Variants in AHR observed in about 807,000 individuals in gnomAD.
The protein encoded by AHR is AH-receptor.
Under a neutral mutation model 86.8 loss-of-function variants are expected in AHR, and 40 were observed. That is an observed-to-expected ratio of 0.46 (90% CI 0.36 to 0.60). The LOEUF (loss-of-function observed/expected upper bound fraction) is 0.60, where lower values mean the gene tolerates loss of function less well. AHR is among the 20% of genes least tolerant of loss of function. AHR has a pLI of 0.00. For synonymous variants in AHR, 398 were observed against 354.9 expected (o/e 1.12, Z -1.37); for missense variants, 1,001 against 1,011.6 (o/e 0.99, Z 0.14).
chr7:17,325,854 T>C (rs1485814494), intron 3 of AHR, among the ~76,000 whole-genome samples: 1 of 152,096 alleles, frequency 6.6e-6, no homozygotes, highest in Non-Finnish European at 1.5e-5. Flanking sequence ...GTACTAGGCT[T>C]AATACCTGGG....
chr7:17,334,193 C>G, intron 7 of AHR, 79 bp downstream of exon 7: 1 of 1,250,622 alleles, frequency 8.0e-7, no homozygotes, highest in Non-Finnish European at 1.2e-6. Flanking sequence ...GTAAAACATA[C>G]AGTGTATGTA....
rs566155540 is a variant in AHR at position 17,328,656 on chromosome 7, A to G, written c.450+808A>G. Reference sequence around the variant, plus strand: ...GTGGGGCCCATGAATTTGCATTTCTATTAAGCTCACAAGGCTGCTGGTCTT... The same window carrying G: ...GTGGGGCCCATGAATTTGCATTTCTGTTAAGCTCACAAGGCTGCTGGTCTT... On this transcript the variant is annotated intron_variant, in intron 4 of 10. Coordinates refer to ENST00000242057, the MANE Select transcript of AHR (RefSeq NM_001621.5). Among the ~76,000 whole-genome samples the G allele has an allele frequency of 3.3e-5, 5 of 152,018 alleles. No individual in the cohort carries two copies. In the East Asian group the frequency reaches 7.7e-4, roughly 24 times the overall value.
intron 1 of AHR, among the ~76,000 whole-genome samples, chr7:17,299,935 A>G (rs1222946716): frequency 1.3e-5 from 2 of 152,224 alleles, no homozygotes; most frequent in Non-Finnish European, 2.9e-5. Flanking sequence ...AAGTGGTAGC[A>G]GGTGGGAGTG....
intron 9 of AHR, among the ~76,000 whole-genome samples, chr7:17,338,729 C>G (rs774284193): frequency 2.6e-5 from 4 of 151,808 alleles, no homozygotes; most frequent in Non-Finnish European, 5.9e-5. Flanking sequence ...TCTTTTTTTG[C>G]AGGGTGTCAG....
At chr7:17,340,897 G>GAT (rs1782416674) in intron 10 of AHR, among the ~76,000 whole-genome samples, 1 of 152,000 alleles carries the variant, frequency 6.6e-6, no homozygotes, top group African/African-American at 2.4e-5. Flanking sequence ...AATCAAGCTT[G>GAT]ATAGTGCATT....
Position 17,310,052 on chromosome 7 carries a change from T to C in AHR, c.182T>C (p.Ile61Thr), listed in dbSNP as rs1398181103. Residue 61 changes from isoleucine (I) to threonine (T), a missense_variant, in exon 2 of 11, where the codon ATT (isoleucine) becomes ACT (threonine). By Grantham distance (89) the Ile-to-Thr change is moderately conservative (BLOSUM62 -1). This residue lies in a region of AHR where 394 missense variants were observed against 468.5 expected (regional missense o/e 0.84). Coordinates refer to ENST00000242057, the MANE Select transcript of AHR (RefSeq NM_001621.5). ...CTGCTGCCTTTCCCACAAGATGTTA[T>C]TAATAAGTTGGACAAACTTTCAGTT... is the stretch of plus-strand genomic sequence containing the variant. ...ASLLPFPQDV[I>T]NKLDKLSVLR... 1 of 1,614,076 alleles carries C rather than the reference T, an allele frequency of 6.2e-7. No homozygotes were observed. The highest frequency in any genetic ancestry group is 8.5e-7 in the Non-Finnish European group (1 of 1,179,950).
chr7:17,328,788 G>A (rs751665098), intron 4 of AHR, among the ~76,000 whole-genome samples: 2 of 151,884 alleles, frequency 1.3e-5, no homozygotes, highest in East Asian at 1.9e-4. Flanking sequence ...TGTTTCAGAT[G>A]CAACTTTTGG....
chr7:17,314,633 A>G (rs149136231), intron 2 of AHR, among the ~76,000 whole-genome samples: 8 of 152,198 alleles, frequency 5.3e-5, no homozygotes, highest in African/African-American at 1.9e-4. Flanking sequence ...AGATCAGAAC[A>G]TTATTCTTGA....
At chr7:17,300,821 A>G (rs1180842409) in intron 1 of AHR, among the ~76,000 whole-genome samples, 1 of 152,162 alleles carries the variant, frequency 6.6e-6, no homozygotes, top group Non-Finnish European at 1.5e-5. Context: ...AGCATCATAT[A>G]TAATAGGGGT....
chr7:17,307,915 C>G (rs1782022179), intron 1 of AHR, among the ~76,000 whole-genome samples: 3 of 152,136 alleles, frequency 2.0e-5, no homozygotes, highest in Admixed American at 2.0e-4. Context: ...ACCCACATAG[C>G]TCACTTCATT....
chr7:17,320,929 G>A (rs1287933333), intron 2 of AHR, among the ~76,000 whole-genome samples: 1 of 152,142 alleles, frequency 6.6e-6, no homozygotes, highest in African/African-American at 2.4e-5. Context: ...AGAATGGCAT[G>A]AGATTCTGGT....
At chr7:17,310,188 G>C in intron 2 of AHR, 65 bp downstream of exon 2, 1 of 1,405,544 alleles carries the variant, frequency 7.1e-7, no homozygotes, top group South Asian at 1.5e-5. Context: ...AGATATAGCT[G>C]TTTCTGTGTT....
At chr7:17,301,126 A>G (rs1392021173) in intron 1 of AHR, among the ~76,000 whole-genome samples, 1 of 152,098 alleles carries the variant, frequency 6.6e-6, no homozygotes, top group African/African-American at 2.4e-5. Context: ...ACATTTTGTT[A>G]GCATAGATGT....
chr7:17,307,548 T>C (rs1190570674), intron 1 of AHR, among the ~76,000 whole-genome samples: 1 of 152,022 alleles, frequency 6.6e-6, no homozygotes, highest in Non-Finnish European at 1.5e-5. Flanking sequence ...TGGGGTAGAA[T>C]AGACAAAAGC....
At chr7:17,326,135 G>A (rs897384600) in intron 3 of AHR, among the ~76,000 whole-genome samples, 11 of 152,126 alleles carry the variant, frequency 7.2e-5, no homozygotes, top group African/African-American at 2.7e-4. Context: ...CTTGACCTCA[G>A]TTTCTTCTAT....
rs137949518 is a variant in AHR, at chr7:17,310,062, G to A, written c.192G>A (p.Leu64=). 30 of 1,613,814 alleles carry A rather than the reference G, an allele frequency of 1.9e-5. No homozygotes were observed. Among genetic ancestry groups the A allele is most frequent in the Non-Finnish European group, 2.4e-5 (28 of 1,179,916 alleles). ...LPFPQDVINK[L]DKLSVLRLSV... The stretch of plus-strand genomic sequence containing the variant: ...TCCCACAAGATGTTATTAATAAGTT[G>A]GACAAACTTTCAGTTCTTAGGCTCA... Residue 64 remains leucine, a synonymous_variant, in exon 2 of 11, where the codon TTG becomes TTA. Coordinates refer to ENST00000242057, the MANE Select transcript of AHR (RefSeq NM_001621.5).
intron 1 of AHR, among the ~76,000 whole-genome samples, chr7:17,304,791 A>G (rs942961091): frequency 6.6e-6 from 1 of 152,138 alleles, no homozygotes; most frequent in South Asian, 2.1e-4. Context: ...AGTACCATGC[A>G]CTTAGTACAT....
intron 4 of AHR, among the ~76,000 whole-genome samples, chr7:17,329,627 A>G (rs1782264941): frequency 6.6e-6 from 1 of 151,926 alleles, no homozygotes; most frequent in South Asian, 2.1e-4. Context: ...AAGAGATAAG[A>G]ATCTAAAAAC....
At chr7:17,317,410 G>A (rs1238381764) in intron 2 of AHR, among the ~76,000 whole-genome samples, 1 of 152,050 alleles carries the variant, frequency 6.6e-6, no homozygotes, top group East Asian at 1.9e-4. Flanking sequence ...TGGGATACAT[G>A]TCAAATTTTC....
Sources: gnomAD v4.1 joint callset for allele counts (sites outside exome capture counted in the v4.1 genomes callset) on GRCh38, gnomAD v4.1.1 for gene constraint, gnomAD v4.1.1 regional missense constraint, MANE v1.5 for transcripts, NCBI Gene and HGNC (gene_info 2026-07-23, HGNC 2026-07-21) for gene names.